Variants in NUP107 observed in about 807,000 individuals in gnomAD.
NUP107 encodes nuclear pore complex protein Nup107.
Under a neutral mutation model 141.0 loss-of-function variants are expected in NUP107, and 101 were observed. That is an observed-to-expected ratio of 0.72 (90% confidence interval 0.61 to 0.84). The LOEUF (loss-of-function observed/expected upper bound fraction) is 0.84. NUP107 is among the 40% of genes least tolerant of loss of function. NUP107 has a pLI of 0.00. For synonymous variants in NUP107, 319 were observed against 363.9 expected (o/e 0.88, Z 1.41); for missense variants, 941 against 1,102.7 (o/e 0.85, Z 2.08).
intron 26 of NUP107, among the ~76,000 whole-genome samples, chr12:68,736,079 G>A (rs1878055160): frequency 6.6e-6 from 1 of 152,204 alleles, no homozygotes; most frequent in African/African-American, 2.4e-5. Flanking sequence ...ATTGCAGCCT[G>A]ACCCTGGTGC....
chr12:68,702,740 A>G lies in NUP107; in HGVS notation c.685A>G (p.Arg229Gly). The change falls in exon 8 of 28, where the codon AGA becomes GGA. Residue 229 changes from arginine to glycine, a missense_variant. By Grantham distance (125) the Arg-to-Gly change is moderately radical. Coordinates refer to ENST00000229179, the MANE Select transcript of NUP107 (RefSeq NM_020401.4). ...WRLLASLYRD[R>G]IQSALEEESV... ...TTTTGTCTTATTTTTCCCCAGAGAC[A>G]GAATACAGTCTGCATTAGAAGAGGA... is the stretch of plus-strand genomic sequence containing the variant. The G allele has an allele frequency of 6.5e-7, 1 of 1,540,710 alleles. No individual in the cohort carries two copies. Among genetic ancestry groups the G allele is most frequent in the Non-Finnish European group, 8.8e-7 (1 of 1,142,718 alleles).
chr12:68,732,667 T>C lies in NUP107; in HGVS notation c.2029T>C (p.Trp677Arg). 6.2e-7 allele frequency: 1 copy of C among 1,601,814 alleles called. No individual in the cohort carries two copies. The highest frequency in any genetic ancestry group is 8.5e-7 in the Non-Finnish European group (1 of 1,171,736). The change falls in exon 23 of 28, where the codon TGG becomes CGG. Residue 677 changes from tryptophan to arginine, a missense_variant. By Grantham distance (101) the Trp-to-Arg change is moderately radical (BLOSUM62 -3). Coordinates refer to ENST00000229179, the MANE Select transcript of NUP107 (RefSeq NM_020401.4). ...TCGTTTAAAAATTGATGTAATTGAC[T>C]GGTTGGTATTTGACCCAGCGCAGAG... ...EDRLKIDVID[W>R]LVFDPAQRAE...
At chr12:68,719,731 T>C (rs367557054) in intron 14 of NUP107, 77 bp downstream of exon 14, 15 of 1,025,890 alleles carry the variant, frequency 1.5e-5, no homozygotes, top group South Asian at 4.0e-5. Context: ...CTGTGAAACA[T>C]TGAAAGTAGT....
chr12:68,728,866 C>T (rs1444808941), intron 20 of NUP107, among the ~76,000 whole-genome samples: 1 of 151,958 alleles, frequency 6.6e-6, no homozygotes, highest in East Asian at 1.9e-4. Flanking sequence ...TGTCTGTTTA[C>T]AAGATGAATT....
intron 26 of NUP107, chr12:68,740,169 C>CAA (rs1348314032): frequency 6.6e-6 from 1 of 152,202 alleles, no homozygotes; most frequent in Non-Finnish European, 1.5e-5. Flanking sequence ...TGCTGCTTTT[C>CAA]GGGCAACAAG....
chr12:68,724,009 A>G (rs1012778052), intron 17 of NUP107, among the ~76,000 whole-genome samples: 1 of 152,220 alleles, frequency 6.6e-6, no homozygotes, highest in African/African-American at 2.4e-5. Flanking sequence ...ATTAAGGAAC[A>G]GATATAAATA....
At chr12:68,708,366 A>G (rs1180958887) in intron 8 of NUP107, among the ~76,000 whole-genome samples, 4 of 152,098 alleles carry the variant, frequency 2.6e-5, no homozygotes, top group African/African-American at 4.8e-5. Context: ...CCTTTAACCC[A>G]TGGATAAAAT....
Position 68,732,747 on chromosome 12 carries a change from A to T in NUP107, c.2101+8A>T, listed in dbSNP as rs762310412. The T allele has an allele frequency of 6.4e-7, 1 of 1,567,320 alleles. No homozygotes were observed. Among genetic ancestry groups the T allele is most frequent in the Non-Finnish European group, 8.8e-7 (1 of 1,140,308 alleles). On this transcript the variant is annotated splice_region_variant and intron_variant, in intron 23 of 27. Coordinates refer to ENST00000229179, the MANE Select transcript of NUP107 (RefSeq NM_020401.4). ...TTATGAGAAAATTCTTGGGTATAGT[A>T]TATTTTTATGCAGCTTCAAACTCCT...
Position 68,734,785 on chromosome 12 carries a change from A to C in NUP107, c.2340A>C (p.Pro780=), listed in dbSNP as rs138677880. 5.2e-5 allele frequency: 84 copies of C among 1,613,646 alleles called. No homozygotes were observed. The highest frequency in any genetic ancestry group is 6.6e-5 in the Non-Finnish European group (78 of 1,179,844). ...AAAAACCTGCTTTGATACCTCAACC[A>C]ACTTTTACTGAGAAAGTGGCTCATG... ...VPQKPALIPQ[P]TFTEKVAHEH... is the part of the protein sequence containing the mutation. The change falls in exon 25 of 28, where the codon CCA becomes CCC. Residue 780 remains proline (P), a synonymous_variant. Coordinates refer to ENST00000229179, the MANE Select transcript of NUP107 (RefSeq NM_020401.4).
chr12:68,695,447 G>A (rs1876005542), intron 5 of NUP107, among the ~76,000 whole-genome samples: 1 of 152,170 alleles, frequency 6.6e-6, no homozygotes, highest in African/African-American at 2.4e-5. Flanking sequence ...AAATATGAAG[G>A]ACATTCTGAC....
intron 8 of NUP107, chr12:68,706,218 T>C: frequency 1.3e-6 from 1 of 767,724 alleles, no homozygotes; most frequent in East Asian, 2.4e-5. Context: ...GAATTTGTCC[T>C]CATCAAGAAG....
chr12:68,712,723 C>T (rs1351678041), intron 10 of NUP107, among the ~76,000 whole-genome samples: 8 of 148,618 alleles, frequency 5.4e-5, no homozygotes, highest in African/African-American at 1.5e-4. Flanking sequence ...TGCTGATCAG[C>T]GGAACAGAAC....
intron 8 of NUP107, chr12:68,706,831 G>A: frequency 1.3e-6 from 1 of 758,754 alleles, no homozygotes; most frequent in South Asian, 1.3e-5. Flanking sequence ...GCCAGCTGGA[G>A]TCTGGGATGC....
intron 11 of NUP107, among the ~76,000 whole-genome samples, chr12:68,714,828 T>C (rs1047725532): frequency 1.3e-5 from 2 of 152,328 alleles, no homozygotes; most frequent in Admixed American, 6.5e-5. Context: ...TATTAGGCAT[T>C]GGTGTTTTTT....
chr12:68,690,800 C>T (rs1875747562), intron 4 of NUP107, 54 bp downstream of exon 4: 1 of 1,560,448 alleles, frequency 6.4e-7, no homozygotes, highest in Non-Finnish European at 8.8e-7. Context: ...TGGTGGCTCA[C>T]ATCTGTAATC....
intron 8 of NUP107, chr12:68,705,575 C>A: frequency 3.1e-6 from 1 of 321,856 alleles, no homozygotes; most frequent in South Asian, 3.1e-5. Context: ...AGCAGCTTCT[C>A]TGTTCCTTCT....
chr12:68,737,924 G>A (rs899340861), intron 26 of NUP107, among the ~76,000 whole-genome samples: 3 of 151,958 alleles, frequency 2.0e-5, no homozygotes, highest in South Asian at 2.1e-4. Flanking sequence ...GGCAGATCAC[G>A]TGAGGCCAGG....
At chr12:68,726,979 A>T (rs890492931) in intron 19 of NUP107, among the ~76,000 whole-genome samples, 1 of 152,236 alleles carries the variant, frequency 6.6e-6, no homozygotes, top group African/African-American at 2.4e-5. Context: ...AGAAGATAAC[A>T]TTTTGGTCAG....
intron 8 of NUP107, among the ~76,000 whole-genome samples, chr12:68,708,609 C>T (rs1025080313): frequency 3.3e-5 from 5 of 151,862 alleles, no homozygotes; most frequent in Non-Finnish European, 5.9e-5. Flanking sequence ...GTATTCAGCC[C>T]TGTATTACAG....
Sources: allele counts gnomAD v4.1 joint callset (sites outside exome capture counted in the v4.1 genomes callset), GRCh38; gene constraint gnomAD v4.1.1; transcripts MANE v1.5; gene names NCBI Gene and HGNC (gene_info 2026-07-23, HGNC 2026-07-21).